Variants in RBM6 observed in about 807,000 individuals in gnomAD.
The protein encoded by RBM6 is RNA-binding protein 6.
In RBM6, 23 loss-of-function variants were observed where a neutral mutation model predicts 140.4. That is an observed-to-expected ratio of 0.16 (90% CI 0.12 to 0.23). The LOEUF is 0.23. Among genes scored for constraint, RBM6 ranks in the 10% least tolerant of loss-of-function variants. The probability of loss-of-function intolerance (pLI) is 1.00; values close to 1 mark genes in which losing one functional copy is unlikely to be tolerated. For synonymous variants in RBM6, 439 were observed against 475.6 expected, an observed-to-expected ratio of 0.92 and a Z score of 1.00; for missense variants, 1,139 against 1,386.7, an observed-to-expected ratio of 0.82 and a Z score of 2.84.
At chr3:50,009,992 G>C (rs181828046) in intron 6 of RBM6, among the ~76,000 whole-genome samples, 105 of 152,044 alleles carry the variant, frequency 6.9e-4, no homozygotes, top group African/African-American at 2.5e-3. Flanking sequence ...GGGTTCCAGT[G>C]ATTCTCCTGC....
intron 5 of RBM6, among the ~76,000 whole-genome samples, chr3:49,996,661 C>T (rs1443532014): frequency 6.6e-6 from 1 of 152,168 alleles, no homozygotes; most frequent in Non-Finnish European, 1.5e-5. Context: ...CACAATAGTT[C>T]TGCCATAGAT....
chr3:50,039,482 A>ACCCCCCCCCCCCC (rs10546220), intron 6 of RBM6, among the ~76,000 whole-genome samples: 23 of 122,144 alleles, frequency 1.9e-4, no homozygotes, highest in Non-Finnish European at 2.9e-4. Flanking sequence ...CAGGTGATCC[A>ACCCCCCCCCCCCC]CCCCCCCCCC....
At position 50,075,347 on chromosome 3, in the gene RBM6, C is replaced by T. The variant is rs749867089; in HGVS notation, c.3246+17C>T. ...TCAGAGGAGGTAAAATGGTTTCCAT[C>T]TTTTGGGGGGTGACATGAACCTGGA... On this transcript the variant is annotated intron_variant, in intron 20 of 20. Transcript: ENST00000266022. The T allele has an allele frequency of 1.2e-6, 2 of 1,604,156 alleles. No homozygotes were observed. The highest frequency in any genetic ancestry group is 2.2e-5 in the East Asian group (1 of 44,634).
intron 1 of RBM6, among the ~76,000 whole-genome samples, chr3:49,947,262 AGG>A (rs71080561): frequency 0.31 from 17,948 of 58,596 alleles, 833 homozygotes; most frequent in Middle Eastern, 0.38. Context: ...AAAAAAAAAA[AGG>A]GGGGGGGGGG....
chr3:50,061,696 A>T, intron 14 of RBM6, 149 bp downstream of exon 14: 1 of 1,445,576 alleles, frequency 6.9e-7, no homozygotes, highest in Non-Finnish European at 9.1e-7. Flanking sequence ...GTTTAGATCT[A>T]TGGAAACAGA....
rs185457517 is a variant in RBM6, at chr3:50,018,971, G to T, written c.1557+19458G>T. On this transcript the variant is annotated intron_variant, in intron 6 of 20. Coordinates refer to ENST00000266022, the MANE Select transcript of RBM6 (RefSeq NM_005777.3). ...TACAATTTGCATTGCTACCAGCAAT[G>T]AATTAGAGTTCTGTTGCTCTGTATC... is the stretch of plus-strand genomic sequence containing the variant. Among the ~76,000 whole-genome samples the T allele has an allele frequency of 1.8e-3, 279 of 152,138 alleles. 2 individuals carry two copies. The highest frequency in any genetic ancestry group is 6.4e-3 in the African/African-American group (267 of 41,528).
At chr3:50,060,920 T>C in intron 11 of RBM6, 36 bp from the exon 12 acceptor site, 1 of 1,527,756 alleles carries the variant, frequency 6.5e-7, no homozygotes, top group South Asian at 1.3e-5. Flanking sequence ...TGCCACTTGG[T>C]AGCAGCCTTA....
chr3:50,036,384 C>A (rs1055450712), intron 6 of RBM6, among the ~76,000 whole-genome samples: 8 of 152,088 alleles, frequency 5.3e-5, no homozygotes, highest in African/African-American at 1.9e-4. Flanking sequence ...ATGGGCTATG[C>A]CTTTGTAGCA....
At chr3:49,956,705 G>C (rs1194164603) in intron 1 of RBM6, among the ~76,000 whole-genome samples, 1 of 150,894 alleles carries the variant, frequency 6.6e-6, no homozygotes, top group Admixed American at 6.6e-5. Flanking sequence ...CGTTCTTGTT[G>C]CCCAGGCTGG....
At chr3:50,024,935 G>C (rs540163681) in intron 6 of RBM6, among the ~76,000 whole-genome samples, 1 of 151,786 alleles carries the variant, frequency 6.6e-6, no homozygotes, top group East Asian at 1.9e-4. Context: ...AGCTTGCAGT[G>C]AGCCGAGATT....
chr3:50,052,658 G>C (rs1254458331), intron 7 of RBM6, among the ~76,000 whole-genome samples: 1 of 152,176 alleles, frequency 6.6e-6, no homozygotes, highest in Non-Finnish European at 1.5e-5. Flanking sequence ...AATCCCAGTA[G>C]CTTAAAACAG....
At position 49,955,156 on chromosome 3, in the gene RBM6, C is replaced by CT. The variant is rs1575535401; in HGVS notation, c.-66-7417dup. On this transcript the variant is annotated intron_variant, in intron 1 of 20. Transcript: ENST00000266022. Reference sequence around the variant, plus strand: ...TTAGGGCCGCATAGTATTTTTTTTTCTTTCTTTTTTTTTTTTTTTTTTTTT... The same window carrying CT: ...TTAGGGCCGCATAGTATTTTTTTTTCTTTTCTTTTTTTTTTTTTTTTTTTTT... 1.1e-4 allele frequency among the ~76,000 whole-genome samples: 8 copies of CT among 70,154 alleles called. No homozygotes were observed. The South Asian group carries it at 2.3e-3, about 20-fold the overall frequency. The allele number at this position is 70,154 out of a possible 152,430, so 46.0% of individuals were successfully genotyped here. A position where few individuals can be genotyped will look rare whatever the true frequency, so the allele number is the denominator to read the frequency against.
Position 50,018,660 on chromosome 3 carries a change from C to T in RBM6, c.1557+19147C>T, listed in dbSNP as rs955791815. On this transcript the variant is annotated intron_variant, in intron 6 of 20. Transcript: ENST00000266022. Reference sequence around the variant, plus strand: ...CAGCTGGAGTGCAGTGGTGCGATCTCGGTTCATTGCAACCTCTGCCTCCCA... The same window carrying T: ...CAGCTGGAGTGCAGTGGTGCGATCTTGGTTCATTGCAACCTCTGCCTCCCA... Among the ~76,000 whole-genome samples, 4 of 125,168 alleles carry T rather than the reference C, an allele frequency of 3.2e-5. No homozygotes were observed. In the East Asian group the frequency reaches 8.4e-4, roughly 26 times the overall value. The allele number at this position is 125,168 out of a possible 152,430, so 82.1% of individuals were successfully genotyped here. A position where few individuals can be genotyped will look rare whatever the true frequency, so the allele number is the denominator to read the frequency against.
At chr3:50,059,492 G>C in intron 10 of RBM6, 157 bp from the exon 11 acceptor site, 1 of 557,620 alleles carries the variant, frequency 1.8e-6, no homozygotes, top group East Asian at 3.1e-5. Context: ...GTTTCTGCCA[G>C]TATGCTCTTA....
chr3:50,041,366 A>G (rs1029638609), intron 6 of RBM6, among the ~76,000 whole-genome samples: 5 of 152,226 alleles, frequency 3.3e-5, no homozygotes, highest in Non-Finnish European at 7.3e-5. Flanking sequence ...GAGCTGACAT[A>G]GGGCATTCTT....
At chr3:50,016,181 G>T (rs1282913074) in intron 6 of RBM6, among the ~76,000 whole-genome samples, 1 of 152,154 alleles carries the variant, frequency 6.6e-6, no homozygotes, top group Non-Finnish European at 1.5e-5. Flanking sequence ...TTGCACATGT[G>T]AGATCATGCA....
chr3:49,942,940 GTGTC>G (rs1559506724), intron 1 of RBM6, among the ~76,000 whole-genome samples: 1 of 152,112 alleles, frequency 6.6e-6, no homozygotes, highest in Non-Finnish European at 1.5e-5. Context: ...AATCTACTTT[GTGTC>G]TGTCTGTGAG....
chr3:50,021,669 A>G (rs911867140), intron 6 of RBM6, among the ~76,000 whole-genome samples: 2 of 148,956 alleles, frequency 1.3e-5, no homozygotes, highest in African/African-American at 4.9e-5. Context: ...AATAAAATAC[A>G]TACCTATGTA....
intron 5 of RBM6, among the ~76,000 whole-genome samples, chr3:49,988,044 G>A (rs2085647003): frequency 6.6e-6 from 1 of 152,202 alleles, no homozygotes; most frequent in Non-Finnish European, 1.5e-5. Context: ...TCAAGACAGG[G>A]AAATGATGGT....
Sources: allele counts gnomAD v4.1 joint callset (sites outside exome capture counted in the v4.1 genomes callset), GRCh38; gene constraint gnomAD v4.1.1; transcripts MANE v1.5; gene names NCBI Gene and HGNC (gene_info 2026-07-23, HGNC 2026-07-21).